Variants in RNF122 observed in about 807,000 individuals in gnomAD.
The protein encoded by RNF122 is ring finger protein 122.
In RNF122, 17 loss-of-function variants were observed where a neutral mutation model predicts 24.2. The ratio of observed to expected loss-of-function variants is 0.70; its 90% CI spans 0.48 to 1.06. The LOEUF is 1.06. RNF122 is among the 50% of genes least tolerant of loss of function. The pLI, the probability that RNF122 is intolerant of heterozygous loss-of-function variation, is 0.00. For synonymous variants in RNF122, 65 were observed against 71.8 expected (o/e 0.91, Z 0.48); for missense variants, 168 against 198.1 (o/e 0.85, Z 0.91).
chr8:33,550,994 G>A, intron 4 of RNF122, 50 bp downstream of exon 4: 1 of 1,577,652 alleles, frequency 6.3e-7, no homozygotes, highest in Non-Finnish European at 8.7e-7. Flanking sequence ...GCAAGGTGCT[G>A]TCTGCCTCAC....
chr8:33,553,025 C>T (rs888188076), intron 2 of RNF122, among the ~76,000 whole-genome samples: 23 of 148,628 alleles, frequency 1.5e-4, no homozygotes, highest in African/African-American at 7.5e-5. Context: ...TAGCAGAGAT[C>T]GCACCACTGC....
Position 33,556,179 on chromosome 8 carries a change from C to CAAAA in RNF122, c.182+2432_182+2435dup, listed in dbSNP as rs538829399. Among the ~76,000 whole-genome samples, 145 of 33,976 alleles carry CAAAA rather than the reference C, an allele frequency of 4.3e-3. 10 individuals are homozygous for CAAAA. The highest frequency in any genetic ancestry group is 0.012 in the African/African-American group (114 of 9,740). The allele number at this position is 33,976 out of a possible 152,430, so 22.3% of individuals were successfully genotyped here. A position where few individuals can be genotyped will look rare whatever the true frequency, so the allele number is the denominator to read the frequency against. On this transcript the variant is annotated intron_variant, in intron 2 of 5. Coordinates refer to ENST00000256257, the MANE Select transcript of RNF122 (RefSeq NM_024787.3). ...TGGGCAACAGAGCAAGACCCTGTCT[C>CAAAA]AAAAAAAAAAAAAAAAAAAAAAAAA...
chr8:33,552,825 G>A (rs1810396816), intron 2 of RNF122, among the ~76,000 whole-genome samples: 1 of 152,050 alleles, frequency 6.6e-6, no homozygotes, highest in Non-Finnish European at 1.5e-5. Context: ...TTGGGAGGCC[G>A]AGGTGGGCAG....
At chr8:33,554,484 G>A (rs1241726177) in intron 2 of RNF122, among the ~76,000 whole-genome samples, 1 of 152,130 alleles carries the variant, frequency 6.6e-6, no homozygotes, top group Non-Finnish European at 1.5e-5. Context: ...TCAGAACAGG[G>A]AGGGGCATCA....
intron 2 of RNF122, among the ~76,000 whole-genome samples, chr8:33,552,669 G>A (rs946890172): frequency 5.3e-5 from 8 of 152,150 alleles, no homozygotes; most frequent in South Asian, 2.1e-4. Flanking sequence ...GCAAATGGCC[G>A]AGACCATAAT....
At chr8:33,553,527 C>T (rs2128838926) in intron 2 of RNF122, among the ~76,000 whole-genome samples, 1 of 152,100 alleles carries the variant, frequency 6.6e-6, no homozygotes, top group East Asian at 1.9e-4. Context: ...CTAGGATTGC[C>T]CCCACTGCAC....
In RNF122 at chr8:33,566,815, A is replaced by T; in HGVS notation, c.-92T>A. The T allele has an allele frequency of 7.5e-7, 1 of 1,331,064 alleles. No individual in the cohort carries two copies. The highest frequency in any genetic ancestry group is 1.1e-6 in the Non-Finnish European group (1 of 947,870). 82.5% of individuals were successfully genotyped at this position (1,331,064 alleles called of 1,614,324 possible). On this transcript the variant is annotated 5_prime_UTR_variant, in exon 1 of 6. Transcript: ENST00000256257. ...GAGCACTAGCGGCGTGAGGGGCCGCAGGCGGGGTCGGGGCAGCGCGCTGCA... is the reference window on the plus strand; with the variant it reads ...GAGCACTAGCGGCGTGAGGGGCCGCTGGCGGGGTCGGGGCAGCGCGCTGCA...
At chr8:33,555,209 T>C (rs1453234659) in intron 2 of RNF122, among the ~76,000 whole-genome samples, 2 of 152,052 alleles carry the variant, frequency 1.3e-5, no homozygotes, top group Non-Finnish European at 2.9e-5. Context: ...TTTTTTTGTT[T>C]GTTTGTTTTT....
chr8:33,550,755 G>C (rs779694228), intron 4 of RNF122, among the ~76,000 whole-genome samples: 1 of 152,126 alleles, frequency 6.6e-6, no homozygotes, highest in Non-Finnish European at 1.5e-5. Flanking sequence ...GAAAGGGTAC[G>C]ACCATCCTCC....
intron 2 of RNF122, 105 bp from the exon 3 acceptor site, chr8:33,551,494 T>A (rs1585356494): frequency 8.7e-7 from 1 of 1,147,220 alleles, no homozygotes; most frequent in Admixed American, 1.8e-5. Flanking sequence ...CAGGGAGGGG[T>A]GCTTGTCCCA....
chr8:33,551,100 G>GTCC lies in RNF122; in HGVS notation c.229-16_229-15insGGA. Reference sequence around the variant, plus strand: ...TTAAGCACCACCTGAAAAGAAAGAGGAGGCATGATGTCCAAAGAAGAACCA... The same window carrying GTCC: ...TTAAGCACCACCTGAAAAGAAAGAGGTCCAGGCATGATGTCCAAAGAAGAACCA... On this transcript the variant is annotated splice_polypyrimidine_tract_variant and intron_variant, in intron 3 of 5. Coordinates refer to ENST00000256257, the MANE Select transcript of RNF122 (RefSeq NM_024787.3). 4 of 1,614,026 alleles carry GTCC rather than the reference G, an allele frequency of 2.5e-6. No individual in the cohort carries two copies. In the South Asian group the frequency reaches 4.4e-5, roughly 18 times the overall value.
chr8:33,564,283 C>T (rs951600950), intron 1 of RNF122, among the ~76,000 whole-genome samples: 3 of 152,112 alleles, frequency 2.0e-5, no homozygotes, highest in Admixed American at 2.0e-4. Flanking sequence ...CAAGGTGGCT[C>T]CTGCAGGTAA....
chr8:33,565,275 C>T (rs991340464), intron 1 of RNF122, among the ~76,000 whole-genome samples: 2 of 152,076 alleles, frequency 1.3e-5, no homozygotes, highest in Non-Finnish European at 2.9e-5. Flanking sequence ...AGGAGGAAGG[C>T]GGGGTGGGGG....
chr8:33,554,612 C>A (rs1359348148), intron 2 of RNF122, among the ~76,000 whole-genome samples: 1 of 152,198 alleles, frequency 6.6e-6, no homozygotes, highest in Admixed American at 6.5e-5. Context: ...TGGGCAATCC[C>A]AGCTGGGGAC....
At chr8:33,551,975 C>T (rs1039903547) in intron 2 of RNF122, among the ~76,000 whole-genome samples, 7 of 152,224 alleles carry the variant, frequency 4.6e-5, no homozygotes, top group African/African-American at 1.7e-4. Context: ...CAAAACATGG[C>T]ATGCCGTTAC....
chr8:33,558,577 G>T lies in RNF122; in HGVS notation c.182+38C>A, dbSNP rs767175968. 36 of 1,547,330 alleles carry T rather than the reference G, an allele frequency of 2.3e-5. No homozygotes were observed. The South Asian group carries it at 3.8e-4, about 16-fold the overall frequency. ...CCACAACCCTGGTCTCCTCCCTCCTGCTGGACTCCCACCCCGGTCAGCCAG... is the reference window on the plus strand; with the variant it reads ...CCACAACCCTGGTCTCCTCCCTCCTTCTGGACTCCCACCCCGGTCAGCCAG... On this transcript the variant is annotated intron_variant, in intron 2 of 5. Coordinates refer to ENST00000256257, the MANE Select transcript of RNF122 (RefSeq NM_024787.3).
intron 2 of RNF122, among the ~76,000 whole-genome samples, chr8:33,557,952 G>C (rs1810480630): frequency 6.6e-6 from 1 of 152,092 alleles, no homozygotes; most frequent in Non-Finnish European, 1.5e-5. Flanking sequence ...AGACCATCCT[G>C]GTCAACATGG....
intron 1 of RNF122, among the ~76,000 whole-genome samples, chr8:33,564,892 A>T (rs1563371389): frequency 6.6e-6 from 1 of 152,132 alleles, no homozygotes; most frequent in Non-Finnish European, 1.5e-5. Context: ...AAAAATAAAA[A>T]ATAAAAAAAA....
rs1205337660 is a variant in RNF122, at chr8:33,549,417, G to C, written c.346C>G (p.His116Asp). Residue 116 changes from histidine (H) to aspartate (D), a missense_variant, in exon 5 of 6, where the codon CAC becomes GAC. Physicochemically the swap from His to Asp is moderately conservative, Grantham distance 81 (BLOSUM62 -1). Transcript: ENST00000256257. ...GGACACATTCCCACGTACTTGCGGT[G>C]AAAGGCGTGTTGGCACGGGAGCACG... ...LGVLPCQHAF[H>D]RKCLVKWLEV... 2 of 1,613,736 alleles carry C rather than the reference G, an allele frequency of 1.2e-6. No homozygotes were observed. Among genetic ancestry groups the C allele is most frequent in the South Asian group, 1.1e-5 (1 of 91,080 alleles).
Sources: allele counts gnomAD v4.1 joint callset (sites outside exome capture counted in the v4.1 genomes callset), GRCh38; gene constraint gnomAD v4.1.1; transcripts MANE v1.5; gene names NCBI Gene and HGNC (gene_info 2026-07-23, HGNC 2026-07-21).